VCAN: variants seen among roughly 807,000 people sequenced by gnomAD.
The protein encoded by VCAN is versican core protein.
In VCAN, 44 loss-of-function variants were observed where a neutral mutation model predicts 245.5. The observed-to-expected ratio is 0.18, with a 90% CI of 0.14 to 0.23. The LOEUF is 0.23. VCAN is among the 10% of genes least tolerant of loss of function. The pLI is 1.00. For synonymous variants in VCAN, 1,413 were observed against 1,437.0 expected, an observed-to-expected ratio of 0.98 and a Z score of 0.38; for missense variants, 3,793 against 4,057.9, an observed-to-expected ratio of 0.93 and a Z score of 1.77.
At chr5:83,544,582 T>C (rs1214166542) in intron 8 of VCAN, among the ~76,000 whole-genome samples, 2 of 152,198 alleles carry the variant, frequency 1.3e-5, no homozygotes, top group African/African-American at 4.8e-5. Context: ...AGATAATCTA[T>C]TTTATTTCAA....
Position 83,581,667 on chromosome 5 carries a change from A to T in VCAN, c.*1233A>T, listed in dbSNP as rs1006659644. The T allele has an allele frequency of 6.6e-6, 1 of 152,202 alleles. No homozygotes were observed. The highest frequency in any genetic ancestry group is 1.5e-5 in the Non-Finnish European group (1 of 68,036). The allele number at this position is 152,202 out of a possible 1,614,324, so 9.4% of individuals were successfully genotyped here. A position where few individuals can be genotyped will look rare whatever the true frequency, so the allele number is the denominator to read the frequency against. On this transcript the variant is annotated 3_prime_UTR_variant, in exon 15 of 15. Transcript: ENST00000265077. ...AGCTTTTAGCAAAAGGTGTTTGCCC[A>T]TTCTAAGAAATGAGCGAATATATAG...
chr5:83,486,719 G>A (rs1744803191), intron 2 of VCAN, among the ~76,000 whole-genome samples: 1 of 152,162 alleles, frequency 6.6e-6, no homozygotes, highest in Admixed American at 6.5e-5. Flanking sequence ...AATTTTGATA[G>A]CCAACAACAT....
chr5:83,510,351 A>G (rs1745614067), intron 5 of VCAN, among the ~76,000 whole-genome samples: 2 of 152,170 alleles, frequency 1.3e-5, no homozygotes, highest in Non-Finnish European at 2.9e-5. Context: ...GCTATCACCC[A>G]CTCAGAGAAA....
intron 13 of VCAN, among the ~76,000 whole-genome samples, chr5:83,573,444 T>A (rs1031695488): frequency 2.0e-5 from 3 of 152,066 alleles, no homozygotes; most frequent in African/African-American, 7.2e-5. Context: ...CTTTGTTTTA[T>A]GTGAGTCCGT....
intron 7 of VCAN, chr5:83,531,563 AAAAT>A (rs1445078011): frequency 1.3e-5 from 2 of 152,202 alleles, no homozygotes; most frequent in African/African-American, 2.4e-5. Flanking sequence ...GTTACACATT[AAAAT>A]AAAATCCATT....
rs1396042253 is a variant in VCAN, at chr5:83,581,972, AT to A, written c.*1540del. On this transcript the variant is annotated 3_prime_UTR_variant, in exon 15 of 15. Coordinates refer to ENST00000265077, the MANE Select transcript of VCAN (RefSeq NM_004385.5). ...GCACAAAGGGATTGGCCCAATATTGATTCTTTTTTTATAAAACCTCCTTTGG... is the reference window on the plus strand; with the variant it reads ...GCACAAAGGGATTGGCCCAATATTGATCTTTTTTTATAAAACCTCCTTTGG... 1.4e-5 allele frequency: 1 copy of A among 70,498 alleles called. No individual in the cohort carries two copies. Among genetic ancestry groups the A allele is most frequent in the Non-Finnish European group, 2.9e-5 (1 of 35,080 alleles). 4.4% of individuals were successfully genotyped at this position (70,498 alleles called of 1,614,324 possible).
Position 83,520,857 on chromosome 5 carries a change from G to A in VCAN, c.2551G>A (p.Ala851Thr), listed in dbSNP as rs1480597677. The stretch of plus-strand genomic sequence containing the variant: ...CATCCCAAGTTTCACTGAAGATGGA[G>A]CAGATGAATTTACTCTTATTCCAGA... Reference protein sequence around the residue: ...KDIPSFTEDGADEFTLIPDST... With the variant: ...KDIPSFTEDGTDEFTLIPDST... The change falls in exon 7 of 15, where the codon GCA becomes ACA. Residue 851 changes from alanine (A) to threonine (T), a missense_variant. Around this residue, in one of 5 missense-constraint regions of VCAN, gnomAD observed 3,182 missense variants for 3,250.3 expected, o/e 0.98. Transcript: ENST00000265077. 2 of 1,614,018 alleles carry A rather than the reference G, an allele frequency of 1.2e-6. No individual in the cohort carries two copies.
At chr5:83,497,794 G>C (rs1011510360) in intron 5 of VCAN, among the ~76,000 whole-genome samples, 10 of 152,154 alleles carry the variant, frequency 6.6e-5, no homozygotes, top group African/African-American at 2.4e-4. Flanking sequence ...AATTATTTAA[G>C]AACGAAATTA....
chr5:83,539,036 A>G lies in VCAN; in HGVS notation c.6033A>G (p.Ser2011=). 2 of 1,614,016 alleles carry G rather than the reference A, an allele frequency of 1.2e-6. No individual in the cohort carries two copies. Among genetic ancestry groups the G allele is most frequent in the Non-Finnish European group, 1.7e-6 (2 of 1,179,956 alleles). ...AGTTTACATCCTCAGCTGAGGGCTC[A>G]GGTGAGCAACTGGTCACAGTCAGCA... The part of the protein sequence containing the change: ...WEEFTSSAEG[S]GEQLVTVSSS... The change falls in exon 8 of 15, where the codon TCA becomes TCG. Residue 2011 remains serine, a synonymous_variant. Coordinates refer to ENST00000265077, the MANE Select transcript of VCAN (RefSeq NM_004385.5).
At chr5:83,526,667 T>C (rs1467954865) in intron 7 of VCAN, among the ~76,000 whole-genome samples, 2 of 152,244 alleles carry the variant, frequency 1.3e-5, no homozygotes, top group Non-Finnish European at 1.5e-5. Context: ...TCTATATCTT[T>C]ATCTCATTAC....
At chr5:83,514,428 A>ATGTGTG (rs57400723) in intron 6 of VCAN, among the ~76,000 whole-genome samples, 66 of 145,166 alleles carry the variant, frequency 4.5e-4, no homozygotes, top group African/African-American at 1.5e-3. Flanking sequence ...TTTAGTGTAT[A>ATGTGTG]TGTGTGTGTG....
chr5:83,568,367 C>G (rs1748162185), intron 12 of VCAN, among the ~76,000 whole-genome samples: 1 of 152,130 alleles, frequency 6.6e-6, no homozygotes, highest in African/African-American at 2.4e-5. Context: ...GTAAAAACCA[C>G]AGAGCTAAAA....
At chr5:83,472,115 T>C (rs1396148933) in intron 1 of VCAN, 92 bp downstream of exon 1, 2 of 198,336 alleles carry the variant, frequency 1.0e-5, no homozygotes, top group Non-Finnish European at 2.0e-5. Context: ...AAGCAATTGG[T>C]AGAAGGCTTT....
chr5:83,489,081 T>C (rs1393391891), intron 2 of VCAN, among the ~76,000 whole-genome samples: 1 of 150,754 alleles, frequency 6.6e-6, no homozygotes, highest in African/African-American at 2.5e-5. Context: ...GTTTCCAATA[T>C]GTTTGACCAC....
intron 1 of VCAN, among the ~76,000 whole-genome samples, chr5:83,474,217 G>A (rs925826545): frequency 6.6e-6 from 1 of 152,014 alleles, no homozygotes; most frequent in Admixed American, 6.6e-5. Flanking sequence ...AAGGCGGGCA[G>A]TGGGAGGAAA....
intron 10 of VCAN, among the ~76,000 whole-genome samples, chr5:83,552,822 C>G (rs78248083): frequency 0.096 from 14,540 of 152,176 alleles, 711 homozygotes; most frequent in African/African-American, 0.12. Flanking sequence ...TATCCCAAAA[C>G]GTACCTATTC....
At chr5:83,485,217 G>C (rs907865645) in intron 2 of VCAN, among the ~76,000 whole-genome samples, 1 of 152,164 alleles carries the variant, frequency 6.6e-6, no homozygotes, top group Non-Finnish European at 1.5e-5. Context: ...ATTCATAGGA[G>C]TGTGTGCTCT....
intron 2 of VCAN, among the ~76,000 whole-genome samples, chr5:83,488,027 A>G (rs1373043879): frequency 6.6e-6 from 1 of 152,214 alleles, no homozygotes; most frequent in Non-Finnish European, 1.5e-5. Flanking sequence ...TGAAAATAGT[A>G]CTTTATTTGT....
chr5:83,569,676 T>C (rs1748216931), intron 12 of VCAN, among the ~76,000 whole-genome samples: 2 of 152,170 alleles, frequency 1.3e-5, no homozygotes, highest in South Asian at 2.1e-4. Flanking sequence ...AGTATTAGGA[T>C]GTTGGAAAAT....
Sources: gnomAD v4.1 joint callset for allele counts (sites outside exome capture counted in the v4.1 genomes callset) on GRCh38, gnomAD v4.1.1 for gene constraint, gnomAD v4.1.1 regional missense constraint, MANE v1.5 for transcripts, NCBI Gene and HGNC (gene_info 2026-07-23, HGNC 2026-07-21) for gene names.